Variants in ERBB4 observed in about 807,000 individuals in gnomAD.
The protein encoded by ERBB4 is erb-b2 receptor tyrosine kinase 4.
ERBB4 carries 42 observed loss-of-function variants against 158.0 expected under a neutral mutation model. That is an observed-to-expected ratio of 0.27 (90% CI 0.21 to 0.34). The LOEUF (loss-of-function observed/expected upper bound fraction) is 0.34, where lower values mean the gene tolerates loss of function less well. Among genes scored for constraint, ERBB4 ranks in the 10% least tolerant of loss-of-function variants. The pLI is 1.00. For synonymous variants in ERBB4, 583 were observed against 558.7 expected, an observed-to-expected ratio of 1.04 and a Z score of -0.61; for missense variants, 1,333 against 1,624.1, an observed-to-expected ratio of 0.82 and a Z score of 3.08.
intron 2 of ERBB4, among the ~76,000 whole-genome samples, chr2:212,044,616 G>A (rs1392617657): frequency 6.6e-6 from 1 of 151,862 alleles, no homozygotes; most frequent in Non-Finnish European, 1.5e-5. Context: ...TTTACATTCT[G>A]AAGACTGTAT....
chr2:211,886,227 C>T (rs1399827444), intron 3 of ERBB4, among the ~76,000 whole-genome samples: 1 of 152,070 alleles, frequency 6.6e-6, no homozygotes, highest in African/African-American at 2.4e-5. Context: ...GTCAGATTTT[C>T]CCTGACCATC....
At chr2:212,191,755 G>GTTATACATGTTACATATAACACGTT (rs2082234920) in intron 1 of ERBB4, among the ~76,000 whole-genome samples, 1 of 142,034 alleles carries the variant, frequency 7.0e-6, no homozygotes, top group African/African-American at 2.6e-5. Flanking sequence ...TATAACACGT[G>GTTATACATGTTACATATAACACGTT]TTATACATGT....
intron 25 of ERBB4, among the ~76,000 whole-genome samples, chr2:211,389,755 C>G (rs544277628): frequency 1.3e-5 from 2 of 152,042 alleles, no homozygotes; most frequent in Non-Finnish European, 2.9e-5. Context: ...CTCTCAGACC[C>G]TCATTTTCAT....
intron 2 of ERBB4, among the ~76,000 whole-genome samples, chr2:212,090,138 C>T (rs939688244): frequency 2.6e-5 from 4 of 152,172 alleles, no homozygotes; most frequent in Non-Finnish European, 5.9e-5. Context: ...GCTCAACAGA[C>T]ACTCAGTCTA....
At chr2:212,230,023 G>T (rs1008074866) in intron 1 of ERBB4, among the ~76,000 whole-genome samples, 1 of 152,116 alleles carries the variant, frequency 6.6e-6, no homozygotes, top group Non-Finnish European at 1.5e-5. Context: ...GGTGGTTCAC[G>T]CCTGTAATCC....
chr2:212,094,518 A>G (rs2078870566), intron 2 of ERBB4, among the ~76,000 whole-genome samples: 1 of 151,412 alleles, frequency 6.6e-6, no homozygotes, highest in South Asian at 2.1e-4. Context: ...TTGTTCTTTA[A>G]AACTCTAAAT....
chr2:211,893,027 C>A (rs571123498), intron 3 of ERBB4, among the ~76,000 whole-genome samples: 1 of 148,222 alleles, frequency 6.7e-6, no homozygotes, highest in Non-Finnish European at 1.5e-5. Flanking sequence ...ATAAAGCTAC[C>A]AAGACTTTCC....
intron 20 of ERBB4, among the ~76,000 whole-genome samples, chr2:211,522,880 A>G (rs981643353): frequency 6.6e-6 from 1 of 152,020 alleles, no homozygotes; most frequent in African/African-American, 2.4e-5. Context: ...GAAACCAAAA[A>G]GTTTTCATGA....
Position 211,579,287 on chromosome 2 carries a change from G to A in ERBB4, c.2302-17199C>T, listed in dbSNP as rs531750107. Among the ~76,000 whole-genome samples, 24 of 152,196 alleles carry A rather than the reference G, an allele frequency of 1.6e-4. No individual in the cohort carries two copies. In the South Asian group the frequency reaches 5.0e-3, roughly 32 times the overall value. On this transcript the variant is annotated intron_variant, in intron 19 of 27. Coordinates refer to ENST00000342788, the MANE Select transcript of ERBB4 (RefSeq NM_005235.3). ...CCGTCAGAATAGCGATTCTTAAAAA[G>A]TCAAGAAACAATGGATGCTGGAGAG...
At chr2:211,601,725 G>A (rs2068806844) in intron 19 of ERBB4, among the ~76,000 whole-genome samples, 1 of 151,916 alleles carries the variant, frequency 6.6e-6, no homozygotes, top group Middle Eastern at 3.4e-3. Flanking sequence ...ACAAGTAGGG[G>A]GTATATAAAA....
At chr2:211,472,952 G>T (rs1306459449) in intron 20 of ERBB4, among the ~76,000 whole-genome samples, 1 of 151,470 alleles carries the variant, frequency 6.6e-6, no homozygotes, top group Non-Finnish European at 1.5e-5. Flanking sequence ...TATTTTGACT[G>T]TAGGATATAA....
At chr2:211,917,413 A>G in intron 3 of ERBB4, among the ~76,000 whole-genome samples, 1 of 152,196 alleles carries the variant, frequency 6.6e-6, no homozygotes, top group East Asian at 1.9e-4. Flanking sequence ...GCTGACATTT[A>G]GAGAGTGTGC....
chr2:211,679,175 C>T lies in ERBB4; in HGVS notation c.1499G>A (p.Gly500Glu). Residue 500 changes from glycine to glutamate, a missense_variant, in exon 13 of 28, where the codon GGA becomes GAA. Coordinates refer to ENST00000342788, the MANE Select transcript of ERBB4 (RefSeq NM_005235.3). The stretch of plus-strand genomic sequence containing the variant: ...GGAACACAGATGGTTGCACACCATT[C>T]CTTCAGCAGCTGTGAAACACCAAAA... The part of the protein sequence containing the change: ...NRKAENCTAE[G>E]MVCNHLCSSD... 6.2e-7 allele frequency: 1 copy of T among 1,613,758 alleles called. No homozygotes were observed. Among genetic ancestry groups the T allele is most frequent in the Non-Finnish European group, 8.5e-7 (1 of 1,179,812 alleles).
At chr2:211,646,791 G>T (rs1262252614) in intron 16 of ERBB4, among the ~76,000 whole-genome samples, 3 of 151,612 alleles carry the variant, frequency 2.0e-5, no homozygotes, top group African/African-American at 7.3e-5. Context: ...TGAGTCTAGA[G>T]TCACTGAGAG....
At chr2:211,534,484 C>A (rs2066591207) in intron 20 of ERBB4, among the ~76,000 whole-genome samples, 1 of 152,076 alleles carries the variant, frequency 6.6e-6, no homozygotes, top group South Asian at 2.1e-4. Flanking sequence ...TCTTATAGGG[C>A]ATCATTACAT....
chr2:212,433,012 A>C (rs2092063270), intron 1 of ERBB4, among the ~76,000 whole-genome samples: 25 of 152,070 alleles, frequency 1.6e-4, no homozygotes, highest in Admixed American at 1.6e-3. Flanking sequence ...TGTAACATCG[A>C]AGGGTTATAT....
intron 1 of ERBB4, among the ~76,000 whole-genome samples, chr2:212,356,256 C>T (rs1374930490): frequency 6.6e-6 from 1 of 151,946 alleles, no homozygotes; most frequent in African/African-American, 2.4e-5. Flanking sequence ...CTGATCCTCA[C>T]ACAACTACAG....
chr2:212,058,742 C>G (rs946354701), intron 2 of ERBB4, among the ~76,000 whole-genome samples: 46 of 152,124 alleles, frequency 3.0e-4, no homozygotes, highest in Non-Finnish European at 8.8e-5. Context: ...ATTCAACAGC[C>G]CTTCATGCTA....
intron 3 of ERBB4, among the ~76,000 whole-genome samples, chr2:211,917,986 G>A (rs925684135): frequency 1.3e-5 from 2 of 152,164 alleles, no homozygotes; most frequent in African/African-American, 4.8e-5. Context: ...AAGCTCTTGT[G>A]AGAATGGAGA....
Sources: allele counts gnomAD v4.1 joint callset (sites outside exome capture counted in the v4.1 genomes callset), GRCh38; gene constraint gnomAD v4.1.1; transcripts MANE v1.5; gene names NCBI Gene and HGNC (gene_info 2026-07-23, HGNC 2026-07-21).